SETD1A: variants seen among roughly 807,000 people sequenced by gnomAD.
SETD1A encodes the protein histone-lysine N-methyltransferase SETD1A.
A neutral mutation model predicts 149.9 loss-of-function variants in SETD1A; 29 were observed. The observed-to-expected ratio is 0.19, with a 90% confidence interval of 0.14 to 0.26. SETD1A has a LOEUF of 0.26. SETD1A is among the 10% of genes least tolerant of loss of function. The pLI is 1.00. For missense variants in SETD1A, 2,109 were observed against 2,353.1 expected, an observed-to-expected ratio of 0.90 and a Z score of 2.15; for synonymous variants, 1,141 against 968.5, an observed-to-expected ratio of 1.18 and a Z score of -3.31.
In SETD1A at chr16:30,980,612, C is replaced by T. The variant is rs56788559; in HGVS notation, c.4536C>T (p.Asp1512=). ...AGAAGGAGAAGGACAAGTACCTGGA[C>T]GTGTGCCCAGTCTCGGCCCGGCAGC... ...ISKKEKDKYL[D]VCPVSARQLE... Residue 1512 remains aspartate (D), a synonymous_variant, in exon 15 of 19, where the codon GAC becomes GAT. Coordinates refer to ENST00000262519, the MANE Select transcript of SETD1A (RefSeq NM_014712.3). The surrounding 1 kb of genome is among the most constrained non-coding windows in gnomAD (Gnocchi z 7.7). 5,670 of 1,613,968 alleles carry T rather than the reference C, an allele frequency of 3.5e-3. 121 individuals are homozygous for T. In the African/African-American group the frequency reaches 0.055, roughly 16 times the overall value.
chr16:30,966,259 G>A lies in SETD1A; in HGVS notation c.2378G>A (p.Arg793His), dbSNP rs190527853. The part of the protein sequence containing the change: ...KTLPTAGTVG[R>H]VLAMLVQEMK... ...CTCCCGACAGCAGGCACCGTGGGCCGTGTGCTCGCCATGCTGGTCCAGGAG... is the reference window on the plus strand; with the variant it reads ...CTCCCGACAGCAGGCACCGTGGGCCATGTGCTCGCCATGCTGGTCCAGGAG... The change falls in exon 8 of 19, where the codon CGT (arginine) becomes CAT (histidine). Residue 793 changes from arginine to histidine, a missense_variant. Arg to His is a conservative substitution (Grantham distance 29). Coordinates refer to ENST00000262519, the MANE Select transcript of SETD1A (RefSeq NM_014712.3). 3.1e-5 allele frequency: 50 copies of A among 1,613,820 alleles called. No individual in the cohort carries two copies. Among genetic ancestry groups the A allele is most frequent in the South Asian group, 3.3e-5 (3 of 91,076 alleles).
chr16:30,960,702 C>G (rs891774922), intron 3 of SETD1A, among the ~76,000 whole-genome samples: 3 of 142,834 alleles, frequency 2.1e-5, no homozygotes, highest in African/African-American at 7.4e-5. Context: ...ATATTTATTC[C>G]TCAGTGTGTA....
At chr16:30,968,419 CATATAT>C (rs57608562) in intron 10 of SETD1A, among the ~76,000 whole-genome samples, 4 of 145,370 alleles carry the variant, frequency 2.8e-5, no homozygotes, top group Non-Finnish European at 6.0e-5. Flanking sequence ...AAAAAAAATA[CATATAT>C]ATATATATAT....
chr16:30,976,122 C>T (rs1426155974), intron 13 of SETD1A, among the ~76,000 whole-genome samples: 1 of 151,968 alleles, frequency 6.6e-6, no homozygotes, highest in Non-Finnish European at 1.5e-5. Flanking sequence ...AAAAGTTGCT[C>T]CAGTCCAGGC....
chr16:30,962,667 G>A (rs1289026651), intron 4 of SETD1A, among the ~76,000 whole-genome samples: 3 of 152,210 alleles, frequency 2.0e-5, no homozygotes, highest in Admixed American at 6.5e-5. Flanking sequence ...AGCCAGGGCC[G>A]GGCATGCGGT....
In SETD1A at chr16:30,965,659, C is replaced by T. The variant is rs778996692; in HGVS notation, c.1778C>T (p.Ser593Leu). 5.6e-6 allele frequency: 9 copies of T among 1,612,560 alleles called. No individual in the cohort carries two copies. The highest frequency in any genetic ancestry group is 8.5e-7 in the Non-Finnish European group (1 of 1,179,584). Reference sequence around the variant, plus strand: ...ATCTCCGACGACGACCGGGGTGGCTCACCCCCTCCGGCCCCGACGCCCCCT... The same window carrying T: ...ATCTCCGACGACGACCGGGGTGGCTTACCCCCTCCGGCCCCGACGCCCCCT... Reference protein sequence around the residue: ...MEISDDDRGGSPPPAPTPPQQ... With the variant: ...MEISDDDRGGLPPPAPTPPQQ... Residue 593 changes from serine (S) to leucine (L), a missense_variant, in exon 8 of 19, where the codon TCA becomes TTA. This residue lies in a region of SETD1A where 431 missense variants were observed against 388.6 expected (regional missense o/e 1.11). Coordinates refer to ENST00000262519, the MANE Select transcript of SETD1A (RefSeq NM_014712.3).
chr16:30,969,279 C>T, intron 10 of SETD1A, 26 bp from the exon 11 acceptor site: 1 of 1,601,104 alleles, frequency 6.2e-7, no homozygotes, highest in Admixed American at 1.7e-5. Context: ...TGGTAAATTT[C>T]CCCAACTACC....
chr16:30,973,381 A>G (rs1448042439), intron 13 of SETD1A, among the ~76,000 whole-genome samples: 1 of 152,090 alleles, frequency 6.6e-6, no homozygotes, highest in African/African-American at 2.4e-5. Flanking sequence ...TAGATCAAAT[A>G]AGTCAGTGTT....
intron 13 of SETD1A, among the ~76,000 whole-genome samples, chr16:30,971,928 G>A (rs1285867277): frequency 1.3e-5 from 2 of 152,178 alleles, no homozygotes; most frequent in African/African-American, 4.8e-5. Flanking sequence ...CAGAACCCCA[G>A]GCTAAGCTGC....
intron 8 of SETD1A, 120 bp from the exon 9 acceptor site, chr16:30,966,764 A>T: frequency 8.4e-7 from 1 of 1,186,370 alleles, no homozygotes; most frequent in Non-Finnish European, 1.2e-6. Context: ...GACAGGTGTG[A>T]CCAAGATATG....
rs1049801946 is a variant in SETD1A, at chr16:30,963,657, C to T, written c.639+103C>T. 11 of 1,275,972 alleles carry T rather than the reference C, an allele frequency of 8.6e-6. No homozygotes were observed. In the African/African-American group the frequency reaches 1.1e-4, roughly 12 times the overall value. The allele number at this position is 1,275,972 out of a possible 1,614,324, so 79.0% of individuals were successfully genotyped here. ...GGAGGTTCCGGGCTTTCCCGTTAAA[C>T]AAAGAAGAGCCAAGCAAAGCTGCTG... On this transcript the variant is annotated intron_variant, in intron 5 of 18. Coordinates refer to ENST00000262519, the MANE Select transcript of SETD1A (RefSeq NM_014712.3).
Position 30,984,062 on chromosome 16 carries a change from C to T in SETD1A, c.*39C>T. 1 of 1,564,984 alleles carries T rather than the reference C, an allele frequency of 6.4e-7. No homozygotes were observed. Among genetic ancestry groups the T allele is most frequent in the Non-Finnish European group, 8.7e-7 (1 of 1,151,136 alleles). ...GGGTGCCCACACCCCTATTTATTCC[C>T]CCTGGTGCCCTGAGCTCCCAGCACC... On this transcript the variant is annotated 3_prime_UTR_variant, in exon 19 of 19. Coordinates refer to ENST00000262519, the MANE Select transcript of SETD1A (RefSeq NM_014712.3).
chr16:30,984,240 T>C lies in SETD1A; in HGVS notation c.*217T>C. ...CCACCACCCCCTGATTGTTTTTCTTTGCGGAGAAGAAGCTGTAAATGTTTT... is the reference window on the plus strand; with the variant it reads ...CCACCACCCCCTGATTGTTTTTCTTCGCGGAGAAGAAGCTGTAAATGTTTT... On this transcript the variant is annotated 3_prime_UTR_variant, in exon 19 of 19. Coordinates refer to ENST00000262519, the MANE Select transcript of SETD1A (RefSeq NM_014712.3). 1 of 564,924 alleles carries C rather than the reference T, an allele frequency of 1.8e-6. No homozygotes were observed. The highest frequency in any genetic ancestry group is 3.2e-6 in the Non-Finnish European group (1 of 317,446). 35.0% of individuals were successfully genotyped at this position (564,924 alleles called of 1,614,324 possible).
At chr16:30,962,213 C>T (rs542255542) in intron 4 of SETD1A, among the ~76,000 whole-genome samples, 12 of 152,102 alleles carry the variant, frequency 7.9e-5, no homozygotes, top group African/African-American at 2.9e-4. Flanking sequence ...TACATTTATG[C>T]GCCACTACGC....
chr16:30,969,216 T>C, intron 10 of SETD1A, 89 bp from the exon 11 acceptor site: 2 of 1,276,196 alleles, frequency 1.6e-6, no homozygotes, highest in South Asian at 1.4e-5. Context: ...ATCAGGAAGA[T>C]TGGTAATAGT....
chr16:30,975,321 T>C (rs1265655441), intron 13 of SETD1A, among the ~76,000 whole-genome samples: 5 of 151,860 alleles, frequency 3.3e-5, no homozygotes, highest in African/African-American at 1.2e-4. Context: ...AAAAAAAGAA[T>C]TGGGGGTTGT....
intron 10 of SETD1A, among the ~76,000 whole-genome samples, chr16:30,968,794 C>T (rs1005810914): frequency 1.3e-5 from 2 of 150,290 alleles, no homozygotes; most frequent in African/African-American, 2.5e-5. Context: ...AGCGAGACTC[C>T]GTCTCAAAAA....
intron 5 of SETD1A, 92 bp from the exon 6 acceptor site, chr16:30,964,002 A>G (rs546209103): frequency 9.4e-7 from 1 of 1,063,068 alleles, no homozygotes; most frequent in Non-Finnish European, 1.4e-6. Context: ...AAAAAAAAAA[A>G]AAGGGAACTA....
chr16:30,970,610 C>T (rs1420785280), intron 12 of SETD1A, among the ~76,000 whole-genome samples: 2 of 152,126 alleles, frequency 1.3e-5, no homozygotes, highest in African/African-American at 2.4e-5. Flanking sequence ...CTCTTTCTGT[C>T]CTTCTCCCTC....
Sources: allele counts gnomAD v4.1 joint callset (sites outside exome capture counted in the v4.1 genomes callset), GRCh38; gene constraint gnomAD v4.1.1; regional missense constraint gnomAD v4.1.1; non-coding constraint Gnocchi (gnomAD v3.1); transcripts MANE v1.5; gene names NCBI Gene and HGNC (gene_info 2026-07-23, HGNC 2026-07-21).